ECT2: variants seen among roughly 807,000 people sequenced by gnomAD.
ECT2 encodes the protein epithelial cell transforming 2.
Under a neutral mutation model 116.9 loss-of-function variants are expected in ECT2, and 61 were observed. That is an observed-to-expected ratio of 0.52 (90% CI 0.42 to 0.65). The LOEUF is 0.65. Among genes scored for constraint, ECT2 ranks in the 30% least tolerant of loss-of-function variants. The probability of loss-of-function intolerance (pLI) is 0.00; values close to 1 mark genes in which losing one functional copy is unlikely to be tolerated. For synonymous variants in ECT2, 358 were observed against 346.4 expected (o/e 1.03, Z -0.37); for missense variants, 937 against 1,078.7 (o/e 0.87, Z 1.84).
chr3:172,774,135 T>C (rs1177900863), intron 14 of ECT2, 113 bp downstream of exon 14: 14 of 931,418 alleles, frequency 1.5e-5, no homozygotes, highest in Non-Finnish European at 2.3e-5. Context: ...AAACTTCTTA[T>C]TCCCTTATTA....
Position 172,762,724 on chromosome 3 carries a change from G to A in ECT2, c.923G>A (p.Cys308Tyr), listed in dbSNP as rs932569715. Residue 308 changes from cysteine (C) to tyrosine (Y), a missense_variant, in exon 10 of 25, where the codon TGC (cysteine) becomes TAC (tyrosine). Cys to Tyr is a radical substitution (Grantham distance 194, BLOSUM62 -2). Coordinates refer to ENST00000392692, the MANE Select transcript of ECT2 (RefSeq NM_001258315.2). ...TATTTACCGCTTGGAGATGAAAGAT[G>A]CACTCACCTTGTAGTTGAAGAGAAT... ...GKYLPLGDER[C>Y]THLVVEENIV... 1.9e-6 allele frequency: 3 copies of A among 1,612,598 alleles called. No individual in the cohort carries two copies. The highest frequency in any genetic ancestry group is 1.3e-5 in the African/African-American group (1 of 74,864).
chr3:172,800,662 C>T (rs181577463), intron 18 of ECT2, among the ~76,000 whole-genome samples: 143 of 152,228 alleles, frequency 9.4e-4, no homozygotes, highest in African/African-American at 3.0e-3. Context: ...ATGTTATTCT[C>T]ATCCAGTGTA....
chr3:172,783,748 T>A (rs768533814), intron 15 of ECT2, 51 bp from the exon 16 acceptor site: 2 of 1,197,496 alleles, frequency 1.7e-6, no homozygotes, highest in South Asian at 2.6e-5. Flanking sequence ...ACATTGTCTC[T>A]AAGGGTGACA....
chr3:172,814,106 A>G (rs1729267918), intron 22 of ECT2, among the ~76,000 whole-genome samples: 1 of 152,054 alleles, frequency 6.6e-6, no homozygotes. Context: ...TTATTTAGCA[A>G]ATTGATCAAG....
At chr3:172,811,028 TA>T (rs778215403) in intron 22 of ECT2, among the ~76,000 whole-genome samples, 51 of 152,312 alleles carry the variant, frequency 3.3e-4, no homozygotes, top group South Asian at 6.2e-4. Flanking sequence ...AAGTATCTAT[TA>T]AAAATGTGTG....
chr3:172,789,200 TTCTC>T (rs914119766), intron 18 of ECT2, among the ~76,000 whole-genome samples: 16 of 149,822 alleles, frequency 1.1e-4, no homozygotes, highest in Admixed American at 7.5e-4. Flanking sequence ...TGGTAATTGC[TTCTC>T]TCTCTCTCTT....
chr3:172,780,525 T>G (rs1246606998), intron 14 of ECT2, among the ~76,000 whole-genome samples: 1 of 152,092 alleles, frequency 6.6e-6, no homozygotes, highest in Non-Finnish European at 1.5e-5. Flanking sequence ...AATGCCAGGG[T>G]TTTCCCATTA....
intron 14 of ECT2, among the ~76,000 whole-genome samples, chr3:172,781,637 A>G (rs562902699): frequency 6.6e-6 from 1 of 152,324 alleles, no homozygotes; most frequent in South Asian, 2.1e-4. Flanking sequence ...TAGAATGACC[A>G]TGAAGAATTA....
chr3:172,811,983 C>CT (rs200790013), intron 22 of ECT2, among the ~76,000 whole-genome samples: 20,415 of 134,542 alleles, frequency 0.15, 1,561 homozygotes, highest in Non-Finnish European at 0.18. Flanking sequence ...AAATGTATTT[C>CT]TTTTTTTTTT....
At chr3:172,808,248 A>G (rs1728127950) in intron 22 of ECT2, among the ~76,000 whole-genome samples, 1 of 152,006 alleles carries the variant, frequency 6.6e-6, no homozygotes, top group Non-Finnish European at 1.5e-5. Context: ...GCTAAAAATT[A>G]GAGAGTATTT....
chr3:172,761,232 T>G (rs893866173), intron 7 of ECT2, among the ~76,000 whole-genome samples: 3 of 152,186 alleles, frequency 2.0e-5, no homozygotes, highest in African/African-American at 7.2e-5. Context: ...TACTCTTCAA[T>G]TTACCCTAAA....
intron 22 of ECT2, among the ~76,000 whole-genome samples, chr3:172,813,367 A>G (rs1474540216): frequency 6.6e-6 from 1 of 152,072 alleles, no homozygotes; most frequent in East Asian, 1.9e-4. Context: ...AAAAAATTGA[A>G]GGAGACCATT....
In ECT2 at chr3:172,762,401, G is replaced by T. The variant is rs368470023; in HGVS notation, c.759-15G>T. On this transcript the variant is annotated splice_polypyrimidine_tract_variant and intron_variant, in intron 8 of 24. Coordinates refer to ENST00000392692, the MANE Select transcript of ECT2 (RefSeq NM_001258315.2). ...TAAGTTAAACTGGTTTTGGAAGAGT[G>T]TATTTTGTTTTTAGGGATTTCTATG... 7.6e-5 allele frequency: 120 copies of T among 1,587,582 alleles called. No individual in the cohort carries two copies. The East Asian group carries it at 2.4e-3, about 32-fold the overall frequency.
chr3:172,815,411 T>A (rs1036342571), intron 22 of ECT2, among the ~76,000 whole-genome samples, 193 bp from the exon 23 acceptor site: 1 of 152,176 alleles, frequency 6.6e-6, no homozygotes, highest in African/African-American at 2.4e-5. Flanking sequence ...TACAACAAAT[T>A]ACACATTTAC....
chr3:172,783,896 A>C lies in ECT2; in HGVS notation c.1715A>C (p.His572Pro), dbSNP rs1723151461. ...IKCEKQKPRF[H>P]AFLKINQAKP... ...TGTGAAAAACAGAAACCAAGATTTC[A>C]TGCTTTTCTCAAGGTAATGTGTGTT... The change falls in exon 16 of 25, where the codon CAT becomes CCT. Residue 572 changes from histidine to proline, a missense_variant. His to Pro is a moderately conservative substitution (Grantham distance 77, BLOSUM62 -2). Transcript: ENST00000392692. 1.9e-6 allele frequency: 3 copies of C among 1,586,800 alleles called. No homozygotes were observed. Among genetic ancestry groups the C allele is most frequent in the Non-Finnish European group, 2.6e-6 (3 of 1,163,078 alleles).
chr3:172,766,562 A>T (rs183812977), intron 12 of ECT2, among the ~76,000 whole-genome samples: 1 of 152,338 alleles, frequency 6.6e-6, no homozygotes, highest in Non-Finnish European at 1.5e-5. Flanking sequence ...GGTGGTTGGA[A>T]AGAAAAGTAA....
At chr3:172,828,926 C>T in the ECT2 span, 5 of 1,461,530 alleles carry the variant, frequency 3.4e-6, no homozygotes, top group African/African-American at 7.0e-5. Flanking sequence ...AATGCCAGTC[C>T]CTGAACCAGC....
In ECT2 at chr3:172,759,014, C is replaced by T. The variant is rs1296698017; in HGVS notation, c.521C>T (p.Thr174Ile). Residue 174 changes from threonine to isoleucine, a missense_variant, in exon 6 of 25, where the codon ACA becomes ATA. Physicochemically the swap from Thr to Ile is moderately conservative, Grantham distance 89 (BLOSUM62 -1). Transcript: ENST00000392692. ...TTTTCATGTCGCCCGTTGTATTGTA[C>T]AAGTATGATGAATCTAGTACTATGC... Reference protein sequence around the residue: ...LPFSCRPLYCTSMMNLVLCFT... With the variant: ...LPFSCRPLYCISMMNLVLCFT... The T allele has an allele frequency of 1.2e-6, 2 of 1,611,372 alleles. No homozygotes were observed. Among genetic ancestry groups the T allele is most frequent in the Admixed American group, 3.4e-5 (2 of 59,334 alleles).
At chr3:172,779,778 A>G (rs551037361) in intron 14 of ECT2, among the ~76,000 whole-genome samples, 3 of 152,078 alleles carry the variant, frequency 2.0e-5, no homozygotes, top group African/African-American at 7.2e-5. Context: ...GGCACATGCC[A>G]GTAGTCCCAG....
Sources: allele counts gnomAD v4.1 joint callset (sites outside exome capture counted in the v4.1 genomes callset), GRCh38; gene constraint gnomAD v4.1.1; transcripts MANE v1.5; gene names NCBI Gene and HGNC (gene_info 2026-07-23, HGNC 2026-07-21).